PCDHGA5: variants seen among roughly 807,000 people sequenced by gnomAD.
The protein encoded by PCDHGA5 is protocadherin gamma-A5.
Under a neutral mutation model 56.7 loss-of-function variants are expected in PCDHGA5, and 36 were observed. The observed-to-expected ratio is 0.64, with a 90% CI of 0.49 to 0.84. The LOEUF is 0.84. Ranked by LOEUF, PCDHGA5 falls within the 40% of genes least tolerant of loss-of-function variation. The pLI is 0.00. For missense variants in PCDHGA5, 1,305 were observed against 1,201.5 expected (o/e 1.09, Z -1.27); for synonymous variants, 563 against 520.2 (o/e 1.08, Z -1.12).
intron 1 of PCDHGA5, chr5:141,478,456 T>A (rs371773090): frequency 3.1e-6 from 5 of 1,613,366 alleles, no homozygotes; most frequent in African/African-American, 2.7e-5. Context: ...GTGCAGCCAG[T>A]CCACTGGCCA....
chr5:141,404,550 C>A (rs372202008), intron 1 of PCDHGA5: 3 of 1,613,768 alleles, frequency 1.9e-6, no homozygotes, highest in Admixed American at 1.7e-5. Flanking sequence ...ATGCAGGTGA[C>A]GGCAAGTGAC....
At chr5:141,500,326 A>T (rs1041431019) in intron 2 of PCDHGA5, among the ~76,000 whole-genome samples, 7 of 152,022 alleles carry the variant, frequency 4.6e-5, no homozygotes, top group Non-Finnish European at 1.0e-4. Context: ...CTCCTGCCTC[A>T]GCCTCCAGAA....
At chr5:141,399,796 C>T (rs62621781) in intron 1 of PCDHGA5, 21,149 of 1,613,212 alleles carry the variant, frequency 0.013, 194 homozygotes, top group Non-Finnish European at 0.015. Context: ...CAACGCACCG[C>T]GGGTGCTGTA....
chr5:141,419,370 A>T, intron 1 of PCDHGA5: 1 of 1,613,692 alleles, frequency 6.2e-7, no homozygotes, highest in Non-Finnish European at 8.5e-7. Context: ...CTGTCGTCCT[A>T]CGTGTCCGTG....
Position 141,489,640 on chromosome 5 carries a change from G to A in PCDHGA5, c.2422-5167G>A. The A allele has an allele frequency of 1.2e-6, 2 of 1,614,146 alleles. No individual in the cohort carries two copies. Among genetic ancestry groups the A allele is most frequent in the Non-Finnish European group, 1.7e-6 (2 of 1,180,010 alleles). Reference sequence around the variant, plus strand: ...TCTCAATGACAACTCTCCTAGCTTTGCCACCCCTGAGCGAGAGATGCGCAT... The same window carrying A: ...TCTCAATGACAACTCTCCTAGCTTTACCACCCCTGAGCGAGAGATGCGCAT... On this transcript the variant is annotated intron_variant, in intron 1 of 3. Transcript: ENST00000518069. The surrounding 1 kb of genome is among the most constrained non-coding windows in gnomAD (Gnocchi z 4.5).
At chr5:141,447,121 T>C (rs1341601610) in intron 1 of PCDHGA5, among the ~76,000 whole-genome samples, 1 of 152,104 alleles carries the variant, frequency 6.6e-6, no homozygotes, top group Non-Finnish European at 1.5e-5. Flanking sequence ...CTCCATGGAT[T>C]TTTTTGTTTG....
rs1223618064 is a variant in PCDHGA5 at position 141,512,867 on chromosome 5, C to T, written c.*1694C>T. On this transcript the variant is annotated 3_prime_UTR_variant, in exon 4 of 4. Transcript: ENST00000518069. The stretch of plus-strand genomic sequence containing the variant: ...ATAAGCGCTTCTCTTCGCATAGTCA[C>T]GTAGCTCCCACCCCACCCTCTTCCT... 1 of 152,184 alleles carries T rather than the reference C, an allele frequency of 6.6e-6. No homozygotes were observed. The highest frequency in any genetic ancestry group is 1.5e-5 in the Non-Finnish European group (1 of 68,056). The allele number at this position is 152,184 out of a possible 1,614,324, so 9.4% of individuals were successfully genotyped here. A position where few individuals can be genotyped will look rare whatever the true frequency, so the allele number is the denominator to read the frequency against.
At chr5:141,373,389 A>G (rs1769537538) in intron 1 of PCDHGA5, among the ~76,000 whole-genome samples, 1 of 152,210 alleles carries the variant, frequency 6.6e-6, no homozygotes, top group South Asian at 2.1e-4. Context: ...GTGTTTGTGT[A>G]GCATATGCCT....
In PCDHGA5 at chr5:141,432,872, C is replaced by A. The variant is rs73280906; in HGVS notation, c.2422-61935C>A. The stretch of plus-strand genomic sequence containing the variant: ...GGTGGCCGCGGTCTCCTGCGTCTTC[C>A]TGGCCTTCGTCATCTTGCTGCTGGC... On this transcript the variant is annotated intron_variant, in intron 1 of 3. Transcript: ENST00000518069. The surrounding 1 kb of genome is among the most constrained non-coding windows in gnomAD (Gnocchi z 6.0). 2,361 of 1,614,192 alleles carry A rather than the reference C, an allele frequency of 1.5e-3. 32 individuals carry two copies. In the African/African-American group the frequency reaches 0.028, roughly 19 times the overall value.
intron 1 of PCDHGA5, chr5:141,384,672 G>A (rs1316537355): frequency 6.2e-7 from 1 of 1,614,086 alleles, no homozygotes; most frequent in Non-Finnish European, 8.5e-7. Flanking sequence ...TGACCAAGGT[G>A]GTGGCGGTGG....
chr5:141,475,908 A>G (rs531350638), intron 1 of PCDHGA5: 110 of 585,688 alleles, frequency 1.9e-4, no homozygotes, highest in Non-Finnish European at 2.5e-4. Context: ...CTGTCGGCCA[A>G]TGAAGACGCT....
intron 3 of PCDHGA5, among the ~76,000 whole-genome samples, chr5:141,509,504 C>T (rs534951697): frequency 4.7e-4 from 72 of 152,246 alleles, no homozygotes; most frequent in Non-Finnish European, 8.4e-4. Flanking sequence ...CTGGATGTGA[C>T]GGTGTTGATG....
In PCDHGA5 at chr5:141,364,483, C is replaced by T; in HGVS notation, c.153C>T (p.Asp51=). 1.9e-6 allele frequency: 3 copies of T among 1,614,024 alleles called. No homozygotes were observed. Among genetic ancestry groups the T allele is most frequent in the Non-Finnish European group, 2.5e-6 (3 of 1,179,906 alleles). Residue 51 remains aspartate (D), a synonymous_variant, in exon 1 of 4, where the codon GAC becomes GAT. Coordinates refer to ENST00000518069, the MANE Select transcript of PCDHGA5 (RefSeq NM_018918.3). ...CCTTCGTCGGCAACATAGCCAAGGA[C>T]CTTGGGCTGGAGCCCCAGGAGCTGG... ...KGSFVGNIAK[D]LGLEPQELAE...
intron 1 of PCDHGA5, chr5:141,370,755 G>A: frequency 6.2e-7 from 1 of 1,613,972 alleles, no homozygotes; most frequent in South Asian, 1.1e-5. Context: ...TCATGTAACT[G>A]TGCTGATCCA....
chr5:141,369,703 A>C (rs757750981), intron 1 of PCDHGA5, among the ~76,000 whole-genome samples: 1 of 152,372 alleles, frequency 6.6e-6, no homozygotes, highest in East Asian at 1.9e-4. Context: ...AAAAGCTATG[A>C]CATTATAACT....
chr5:141,377,234 A>G (rs930126053), intron 1 of PCDHGA5: 14 of 152,160 alleles, frequency 9.2e-5, no homozygotes, highest in African/African-American at 3.1e-4. Flanking sequence ...TTTTCCTACT[A>G]TGTGACATTT....
At chr5:141,413,148 CTT>C (rs2095608671) in intron 1 of PCDHGA5, 2 of 1,570,414 alleles carry the variant, frequency 1.3e-6, no homozygotes, top group South Asian at 1.2e-5. Flanking sequence ...CCAGTGAGGA[CTT>C]TGCAGAATTC....
At chr5:141,507,858 AC>A (rs2099864314) in intron 3 of PCDHGA5, among the ~76,000 whole-genome samples, 1 of 151,748 alleles carries the variant, frequency 6.6e-6, no homozygotes, top group African/African-American at 2.4e-5. Flanking sequence ...TCACTTTCAC[AC>A]CCGCTTCCTA....
In PCDHGA5 at chr5:141,433,198, A is replaced by G. The variant is rs373769649; in HGVS notation, c.2422-61609A>G. 11 of 1,581,706 alleles carry G rather than the reference A, an allele frequency of 7.0e-6. No individual in the cohort carries two copies. The African/African-American group carries it at 1.1e-4, about 16-fold the overall frequency. On this transcript the variant is annotated intron_variant, in intron 1 of 3. Coordinates refer to ENST00000518069, the MANE Select transcript of PCDHGA5 (RefSeq NM_018918.3). ...GGTTAATTGAGGTGAGTTTATATCA[A>G]ATCTTCTTTCTTTTTTTTTTTTAAT...
Sources: allele counts gnomAD v4.1 joint callset (sites outside exome capture counted in the v4.1 genomes callset), GRCh38; gene constraint gnomAD v4.1.1; non-coding constraint Gnocchi (gnomAD v3.1); transcripts MANE v1.5; gene names NCBI Gene and HGNC (gene_info 2026-07-23, HGNC 2026-07-21).